Variants in BBX observed in about 807,000 individuals in gnomAD.
BBX encodes BBX high mobility group box domain containing.
Under a neutral mutation model 100.2 loss-of-function variants are expected in BBX, and 30 were observed. The observed-to-expected ratio is 0.30, with a 90% CI of 0.22 to 0.41. The LOEUF is 0.41. Ranked by LOEUF, BBX falls within the 10% of genes least tolerant of loss-of-function variation. The pLI is 1.00. For missense variants in BBX, 1,023 were observed against 1,129.8 expected (o/e 0.91, Z 1.35); for synonymous variants, 376 against 388.1 (o/e 0.97, Z 0.37).
chr3:107,670,762 A>AT (rs1268270751), intron 3 of BBX, among the ~76,000 whole-genome samples: 3 of 152,040 alleles, frequency 2.0e-5, no homozygotes, highest in Admixed American at 6.6e-5. Context: ...TAATGAGAGG[A>AT]TCACTTTAAT....
chr3:107,581,179 A>G (rs2052250766), intron 2 of BBX, among the ~76,000 whole-genome samples: 1 of 152,196 alleles, frequency 6.6e-6, no homozygotes, highest in Non-Finnish European at 1.5e-5. Context: ...ATTTTGCCTT[A>G]AAATGTCTTT....
intron 5 of BBX, among the ~76,000 whole-genome samples, chr3:107,727,173 A>G (rs1333652902): frequency 6.6e-6 from 1 of 152,116 alleles, no homozygotes; most frequent in East Asian, 1.9e-4. Flanking sequence ...TTGACACTTT[A>G]TAAAGTGGTG....
intron 2 of BBX, among the ~76,000 whole-genome samples, chr3:107,633,461 A>G (rs546584570): frequency 1.2e-4 from 18 of 152,288 alleles, no homozygotes; most frequent in African/African-American, 3.4e-4. Flanking sequence ...ACTTTTGAAA[A>G]TTTATTACTG....
At chr3:107,616,753 C>T (rs1055785340) in intron 2 of BBX, among the ~76,000 whole-genome samples, 1 of 152,042 alleles carries the variant, frequency 6.6e-6, no homozygotes, top group Non-Finnish European at 1.5e-5. Context: ...GTTTTTCTTA[C>T]TGTTGAATTT....
chr3:107,721,421 A>G (rs1470750327), intron 5 of BBX, among the ~76,000 whole-genome samples: 1 of 151,620 alleles, frequency 6.6e-6, no homozygotes, highest in Non-Finnish European at 1.5e-5. Context: ...AGCACTTGCC[A>G]TTTCTCTCCT....
At position 107,733,008 on chromosome 3, in the gene BBX, T is replaced by C; in HGVS notation, c.654T>C (p.Ala218=). The C allele has an allele frequency of 6.2e-7, 1 of 1,613,152 alleles. No individual in the cohort carries two copies. The highest frequency in any genetic ancestry group is 2.2e-5 in the East Asian group (1 of 44,788). The change falls in exon 7 of 18, where the codon GCT becomes GCC. Residue 218 remains alanine (A), a synonymous_variant. Coordinates refer to ENST00000325805, the MANE Select transcript of BBX (RefSeq NM_001142568.3). ...LSMLLLAGEH[A]LGTPEVSSGT... is the part of the protein sequence containing the mutation. Reference sequence around the variant, plus strand: ...TGCTGCTGTTAGCTGGAGAACATGCTCTTGGCACACCAGAGGTAAGCCAGT... The same window carrying C: ...TGCTGCTGTTAGCTGGAGAACATGCCCTTGGCACACCAGAGGTAAGCCAGT...
intron 13 of BBX, among the ~76,000 whole-genome samples, chr3:107,780,727 T>A: frequency 6.6e-6 from 1 of 152,058 alleles, no homozygotes; most frequent in East Asian, 1.9e-4. Context: ...TATTTGTGAC[T>A]GATTGTAATT....
intron 3 of BBX, among the ~76,000 whole-genome samples, chr3:107,693,096 T>G (rs1271964306): frequency 1.4e-5 from 2 of 147,756 alleles, no homozygotes; most frequent in South Asian, 2.2e-4. Context: ...TTCTGGATAT[T>G]AGCCCTTTGT....
intron 2 of BBX, among the ~76,000 whole-genome samples, chr3:107,545,839 G>T (rs1214514090): frequency 2.0e-5 from 3 of 152,152 alleles, no homozygotes; most frequent in African/African-American, 7.2e-5. Context: ...CAGTCATGCT[G>T]GGGCTTTCAT....
intron 2 of BBX, among the ~76,000 whole-genome samples, chr3:107,527,555 T>C (rs2047868107): frequency 6.6e-6 from 1 of 152,246 alleles, no homozygotes; most frequent in African/African-American, 2.4e-5. Flanking sequence ...TTCATGTTAT[T>C]GAAGACTTTA....
Position 107,622,769 on chromosome 3 carries a change from C to A in BBX, c.-83-23067C>A, listed in dbSNP as rs2055875456. Among the ~76,000 whole-genome samples the A allele has an allele frequency of 2.0e-5, 3 of 152,212 alleles. No homozygotes were observed. In the South Asian group the frequency reaches 6.2e-4, roughly 32 times the overall value. ...TGGACATTTTAATTGTTATGAGACTCTGGGTCTTTTTTTACACATCCTGTG... is the reference window on the plus strand; with the variant it reads ...TGGACATTTTAATTGTTATGAGACTATGGGTCTTTTTTTACACATCCTGTG... On this transcript the variant is annotated intron_variant, in intron 2 of 17. Transcript: ENST00000325805.
At chr3:107,665,946 A>C (rs1458935389) in intron 3 of BBX, among the ~76,000 whole-genome samples, 1 of 151,460 alleles carries the variant, frequency 6.6e-6, no homozygotes, top group Non-Finnish European at 1.5e-5. Flanking sequence ...GGACACCTCA[A>C]CTCCAGGTGA....
intron 2 of BBX, among the ~76,000 whole-genome samples, chr3:107,586,228 G>T (rs1057091950): frequency 6.6e-6 from 1 of 152,236 alleles, no homozygotes; most frequent in East Asian, 1.9e-4. Context: ...GTATACCAGA[G>T]AACTGTGGCT....
intron 7 of BBX, among the ~76,000 whole-genome samples, chr3:107,741,495 GT>G (rs1160303730): frequency 6.6e-6 from 1 of 152,122 alleles, no homozygotes; most frequent in Non-Finnish European, 1.5e-5. Context: ...GCAACACCTA[GT>G]GGCTTTATCG....
At chr3:107,552,907 T>C (rs1302804570) in intron 2 of BBX, among the ~76,000 whole-genome samples, 1 of 152,240 alleles carries the variant, frequency 6.6e-6, no homozygotes, top group African/African-American at 2.4e-5. Context: ...TAGGGATTTA[T>C]AGATCAAAGC....
chr3:107,800,496 T>G (rs2070324124), intron 16 of BBX, among the ~76,000 whole-genome samples: 1 of 152,224 alleles, frequency 6.6e-6, no homozygotes, highest in South Asian at 2.1e-4. Flanking sequence ...GAAAGTATAC[T>G]CATTTGTAGC....
rs183511065 is a variant in BBX at position 107,677,821 on chromosome 3, A to T, written c.-10+31912A>T. 3.2e-4 allele frequency among the ~76,000 whole-genome samples: 49 copies of T among 152,304 alleles called. 1 individual carries two copies. In the East Asian group the frequency reaches 5.4e-3, roughly 17 times the overall value. The stretch of plus-strand genomic sequence containing the variant: ...TTAAGTGCATACAAATTTACCAATG[A>T]TTTGGTTAATCTCTTTAGCCTATTA... On this transcript the variant is annotated intron_variant, in intron 3 of 17. Transcript: ENST00000325805.
chr3:107,693,827 T>A (rs1435931071), intron 3 of BBX, among the ~76,000 whole-genome samples: 1 of 150,050 alleles, frequency 6.7e-6, no homozygotes, highest in African/African-American at 2.5e-5. Flanking sequence ...TTCCTACCCA[T>A]GAGCATGGAA....
chr3:107,533,994 A>G (rs1276055701), intron 2 of BBX, among the ~76,000 whole-genome samples: 2 of 152,216 alleles, frequency 1.3e-5, no homozygotes, highest in African/African-American at 4.8e-5. Flanking sequence ...TTCCTATAAA[A>G]CTACTTTAGA....
Sources: allele counts gnomAD v4.1 joint callset (sites outside exome capture counted in the v4.1 genomes callset), GRCh38; gene constraint gnomAD v4.1.1; transcripts MANE v1.5; gene names NCBI Gene and HGNC (gene_info 2026-07-23, HGNC 2026-07-21).